The following GLYATL2 variants were observed in gnomAD, a reference collection of about 807,000 sequenced individuals.
GLYATL2 encodes glycine N-acyltransferase-like protein 2.
In GLYATL2, 25 loss-of-function variants were observed where a neutral mutation model predicts 21.4. The ratio of observed to expected loss-of-function variants is 1.17; its 90% CI spans 0.85 to 1.63. The LOEUF (loss-of-function observed/expected upper bound fraction) is 1.63. Ranked by LOEUF, GLYATL2 falls within the 40% of genes most tolerant of loss-of-function variation. GLYATL2 has a pLI of 0.00. For synonymous variants in GLYATL2, 114 were observed against 118.2 expected (o/e 0.96, Z 0.23); for missense variants, 361 against 343.3 (o/e 1.05, Z -0.41).
intron 1 of GLYATL2, among the ~76,000 whole-genome samples, chr11:58,856,646 G>T (rs1234409425): frequency 3.9e-5 from 6 of 152,106 alleles, no homozygotes; most frequent in Non-Finnish European, 8.8e-5. Flanking sequence ...GAATAGTGAG[G>T]CTAGAGGAGA....
chr11:58,883,471 A>G (rs957665506), intron 1 of GLYATL2, among the ~76,000 whole-genome samples: 1 of 152,212 alleles, frequency 6.6e-6, no homozygotes, highest in Non-Finnish European at 1.5e-5. Context: ...ATCTAGAAGA[A>G]ATGGATAAAT....
rs560318739 is a variant in GLYATL2, at chr11:58,882,991, A to C, written n.60+21165T>G. ...GTATAGTTTGAAGTCAGGTAGTGTG[A>C]TGCCTCCAGCTTTGTTCTTTTTGCT... On this transcript the variant is annotated intron_variant and non_coding_transcript_variant, in intron 1 of 4. Coordinates refer to the GLYATL2 transcript ENST00000533636. Among the ~76,000 whole-genome samples, 6 of 152,292 alleles carry C rather than the reference A, an allele frequency of 3.9e-5. No individual in the cohort carries two copies. The East Asian group carries it at 1.2e-3, about 29-fold the overall frequency.
intron 4 of GLYATL2, 38 bp from the exon 5 acceptor site, chr11:58,837,215 T>C: frequency 6.2e-7 from 1 of 1,612,756 alleles, no homozygotes. Context: ...CTTTATGCCT[T>C]CCATATCGGC....
At chr11:58,866,788 G>A (rs997232758) in intron 1 of GLYATL2, among the ~76,000 whole-genome samples, 3 of 149,128 alleles carry the variant, frequency 2.0e-5, no homozygotes, top group African/African-American at 7.3e-5. Context: ...AACTTTAAAA[G>A]AATTTATTAT....
intron 1 of GLYATL2, among the ~76,000 whole-genome samples, chr11:58,857,500 C>T (rs371795444): frequency 7.2e-5 from 11 of 152,244 alleles, no homozygotes; most frequent in African/African-American, 2.4e-4. Flanking sequence ...TGGGGCGGGG[C>T]GAGTGGGCTG....
intron 1 of GLYATL2, chr11:58,892,879 T>G: frequency 3.3e-6 from 1 of 304,914 alleles, no homozygotes; most frequent in Non-Finnish European, 6.5e-6. Flanking sequence ...TTGCTATTCC[T>G]TGTACTTTTT....
At position 58,896,510 on chromosome 11, in the gene GLYATL2, C is replaced by T. The variant is rs182446399; in HGVS notation, n.60+7646G>A. Among the ~76,000 whole-genome samples, 899 of 152,324 alleles carry T rather than the reference C, an allele frequency of 5.9e-3. 4 individuals carry two copies. Among genetic ancestry groups the T allele is most frequent in the Middle Eastern group, 0.041 (12 of 294 alleles). On this transcript the variant is annotated intron_variant and non_coding_transcript_variant, in intron 1 of 4. Coordinates refer to the GLYATL2 transcript ENST00000533636. ...GTGAGACAACAAACTTCTGACATTTCCCTAGACAAATGATGCTGCTTCCCT... is the reference window on the plus strand; with the variant it reads ...GTGAGACAACAAACTTCTGACATTTTCCTAGACAAATGATGCTGCTTCCCT...
rs765302666 is a variant in GLYATL2, at chr11:58,839,595, G to T, written c.18C>A (p.Asn6Lys). The part of the protein sequence containing the change: MLVLH[N>K]SQKLQILYKS... ...TATACAGAATCTGCAGCTTCTGAGA[G>T]TTATGAAGCACAAGCATCTTATGTA... Residue 6 changes from asparagine (N) to lysine (K), a missense_variant, in exon 2 of 6, where the codon AAC becomes AAA. Asn to Lys is a moderately conservative substitution (Grantham distance 94, BLOSUM62 0). Transcript: ENST00000287275. 6.2e-6 allele frequency: 10 copies of T among 1,610,666 alleles called. No homozygotes were observed. Among genetic ancestry groups the T allele is most frequent in the Non-Finnish European group, 7.6e-6 (9 of 1,177,732 alleles).
At chr11:58,883,554 C>G (rs903321058) in intron 1 of GLYATL2, among the ~76,000 whole-genome samples, 6 of 152,208 alleles carry the variant, frequency 3.9e-5, no homozygotes, top group African/African-American at 7.2e-5. Context: ...ATAACAGGCT[C>G]TGAAATTGAG....
chr11:58,906,283 C>T (rs943292270), upstream of GLYATL2, among the ~76,000 whole-genome samples: 9 of 152,196 alleles, frequency 5.9e-5, no homozygotes, highest in African/African-American at 2.2e-4. Flanking sequence ...AAGAGTGTTA[C>T]TCCTGAAAAG....
At chr11:58,903,715 G>T (rs1402333221) in intron 1 of GLYATL2, among the ~76,000 whole-genome samples, 1 of 152,054 alleles carries the variant, frequency 6.6e-6, no homozygotes, top group South Asian at 2.1e-4. Flanking sequence ...TCAGTTAATG[G>T]CCAACATTAC....
chr11:58,862,907 A>G (rs768335156), intron 1 of GLYATL2, among the ~76,000 whole-genome samples: 8 of 152,232 alleles, frequency 5.3e-5, no homozygotes, highest in Admixed American at 2.6e-4. Flanking sequence ...TGCACATTTG[A>G]AAAACAGGAA....
intron 1 of GLYATL2, chr11:58,884,806 A>G: frequency 6.1e-6 from 1 of 162,812 alleles, no homozygotes; most frequent in Non-Finnish European, 1.5e-5. Flanking sequence ...TGATACTGAC[A>G]GTACCTACAT....
At chr11:58,848,227 A>T (rs905852606), upstream of GLYATL2, among the ~76,000 whole-genome samples, 6 of 152,152 alleles carry the variant, frequency 3.9e-5, no homozygotes, top group African/African-American at 1.4e-4. Context: ...TCCAACAAGG[A>T]TGGCTACAAA....
intron 1 of GLYATL2, among the ~76,000 whole-genome samples, chr11:58,887,011 T>G (rs1375145145): frequency 6.6e-6 from 1 of 152,256 alleles, no homozygotes; most frequent in Admixed American, 6.5e-5. Flanking sequence ...AGGTTAATGC[T>G]TAGTTTATTT....
chr11:58,889,418 G>A (rs1854501847), intron 1 of GLYATL2, among the ~76,000 whole-genome samples: 1 of 151,922 alleles, frequency 6.6e-6, no homozygotes, highest in Non-Finnish European at 1.5e-5. Context: ...TACAACCTAA[G>A]AAAACAATAT....
At chr11:58,897,352 G>T (rs1854652047) in intron 1 of GLYATL2, among the ~76,000 whole-genome samples, 1 of 152,134 alleles carries the variant, frequency 6.6e-6, no homozygotes, top group South Asian at 2.1e-4. Flanking sequence ...AGGGTAACCT[G>T]CATGCCCAGG....
At chr11:58,877,411 G>A (rs1366221608) in intron 1 of GLYATL2, among the ~76,000 whole-genome samples, 7 of 152,166 alleles carry the variant, frequency 4.6e-5, no homozygotes, top group Admixed American at 2.0e-4. Flanking sequence ...CAGCCATCTT[G>A]GCTCCACTCC....
chr11:58,890,419 G>A (rs924752112), intron 1 of GLYATL2, among the ~76,000 whole-genome samples: 6 of 151,994 alleles, frequency 3.9e-5, no homozygotes, highest in African/African-American at 7.2e-5. Flanking sequence ...GAAATCAACC[G>A]AGGTGCCCAT....
Sources: gnomAD v4.1 joint callset for allele counts (sites outside exome capture counted in the v4.1 genomes callset) on GRCh38, gnomAD v4.1.1 for gene constraint, MANE v1.5 for transcripts, NCBI Gene and HGNC (gene_info 2026-07-23, HGNC 2026-07-21) for gene names.